Variants in GLS2 observed in about 807,000 individuals in gnomAD.
GLS2 encodes glutaminase liver isoform, mitochondrial.
In GLS2, 52 loss-of-function variants were observed where a neutral mutation model predicts 79.0. The observed-to-expected ratio is 0.66, with a 90% CI of 0.53 to 0.83. The LOEUF is 0.83. GLS2 is among the 40% of genes least tolerant of loss of function. The pLI, the probability that GLS2 is intolerant of heterozygous loss-of-function variation, is 0.00. For synonymous variants in GLS2, 238 were observed against 280.8 expected, an observed-to-expected ratio of 0.85 and a Z score of 1.52; for missense variants, 561 against 764.8, an observed-to-expected ratio of 0.73 and a Z score of 3.14.
rs1480445456 is a variant in GLS2 at position 56,488,063 on chromosome 12, C to T, written c.56G>A (p.Gly19Glu). The T allele has an allele frequency of 2.5e-6, 4 of 1,582,134 alleles. No individual in the cohort carries two copies. The highest frequency in any genetic ancestry group is 1.1e-5 in the South Asian group (1 of 88,768). The change falls in exon 1 of 18, where the codon GGG (glycine) becomes GAG (glutamate). Residue 19 changes from glycine to glutamate, a missense_variant. Gly to Glu is a moderately conservative substitution (Grantham distance 98, BLOSUM62 -2). Transcript: ENST00000311966. Reference protein sequence around the residue: ...KALSRAGSHCGRGGWGHPSRS... With the variant: ...KALSRAGSHCERGGWGHPSRS... ...GCTCGGGTGACCCCAGCCTCCTCGC[C>T]CGCAGTGACTGCCAGCCCGGCTCAG...
rs373727985 is a variant in GLS2 at position 56,471,156 on chromosome 12, C to G, written c.*331G>C. ...CTAGAGTCCCTCCACCAGAGTATCT[C>G]TCTCATGATGGTTTCTTCAGGGAGA... is the stretch of plus-strand genomic sequence containing the variant. On this transcript the variant is annotated 3_prime_UTR_variant, in exon 18 of 18. Transcript: ENST00000311966. 2 of 423,898 alleles carry G rather than the reference C, an allele frequency of 4.7e-6. No individual in the cohort carries two copies. Among genetic ancestry groups the G allele is most frequent in the African/African-American group, 2.0e-5 (1 of 49,378 alleles). The allele number at this position is 423,898 out of a possible 1,614,324, so 26.3% of individuals were successfully genotyped here. A position where few individuals can be genotyped will look rare whatever the true frequency, so the allele number is the denominator to read the frequency against.
chr12:56,478,447 G>C, intron 4 of GLS2, 185 bp from the exon 5 acceptor site: 1 of 609,054 alleles, frequency 1.6e-6, no homozygotes, highest in South Asian at 2.0e-5. Context: ...CCATATCTTT[G>C]TGTATCCGCA....
chr12:56,472,524 CTT>C, intron 15 of GLS2, 164 bp downstream of exon 15: 1 of 648,740 alleles, frequency 1.5e-6, no homozygotes, highest in Non-Finnish European at 2.7e-6. Context: ...AGACAGTTTA[CTT>C]TTTTTAAAAA....
chr12:56,482,508 A>G (rs1270344853), intron 1 of GLS2, among the ~76,000 whole-genome samples: 1 of 152,158 alleles, frequency 6.6e-6, no homozygotes, highest in Non-Finnish European at 1.5e-5. Context: ...GTTTGACACA[A>G]CACACCATCT....
Position 56,473,308 on chromosome 12 carries a change from G to C in GLS2, c.1369C>G (p.Leu457Val), listed in dbSNP as rs767181824. ...TTGTCATAGTTGTGGAAATTGAAGA[G>C]AGACACCAACTTCTAGAATTGTAAG... Reference protein sequence around the residue: ...GTSFCQKLVSLFNFHNYDNLR... With the variant: ...GTSFCQKLVSVFNFHNYDNLR... Residue 457 changes from leucine (L) to valine (V), a missense_variant, in exon 14 of 18, where the codon CTC (leucine) becomes GTC (valine). Around this residue, in one of 4 missense-constraint regions of GLS2, gnomAD observed 136 missense variants for 228.6 expected, o/e 0.59. Transcript: ENST00000311966. 6.2e-7 allele frequency: 1 copy of C among 1,614,132 alleles called. No individual in the cohort carries two copies. The highest frequency in any genetic ancestry group is 8.5e-7 in the Non-Finnish European group (1 of 1,180,034).
chr12:56,476,237 A>G (rs1245876869), intron 7 of GLS2: 17 of 443,428 alleles, frequency 3.8e-5, no homozygotes, highest in Non-Finnish European at 2.9e-5. Context: ...ATCATGGCTC[A>G]CTGCAGCTTT....
intron 1 of GLS2, among the ~76,000 whole-genome samples, chr12:56,484,607 A>G (rs1394520260): frequency 6.6e-6 from 1 of 152,162 alleles, no homozygotes; most frequent in African/African-American, 2.4e-5. Context: ...GGGATAACTC[A>G]AGAAGGAAAG....
intron 3 of GLS2, 80 bp downstream of exon 3, chr12:56,479,700 C>A: frequency 6.8e-7 from 1 of 1,460,510 alleles, no homozygotes; most frequent in Non-Finnish European, 9.1e-7. Flanking sequence ...TATACAATTC[C>A]CAAATTCCTC....
In GLS2 at chr12:56,473,610, G is replaced by C. The variant is rs753258029; in HGVS notation, c.1225-16C>G. 3.3e-5 allele frequency: 53 copies of C among 1,601,316 alleles called. No homozygotes were observed. Among genetic ancestry groups the C allele is most frequent in the Non-Finnish European group, 4.3e-5 (51 of 1,173,674 alleles). ...GCAGGCCCACCTGGGGAACAGAACTGAAGCTGAGGATAAAGTGGGTGTGCC... is the reference window on the plus strand; with the variant it reads ...GCAGGCCCACCTGGGGAACAGAACTCAAGCTGAGGATAAAGTGGGTGTGCC... On this transcript the variant is annotated splice_polypyrimidine_tract_variant and intron_variant, in intron 12 of 17. Transcript: ENST00000311966.
chr12:56,472,097 C>T, intron 16 of GLS2, 22 bp downstream of exon 16: 1 of 1,611,724 alleles, frequency 6.2e-7, no homozygotes, highest in Non-Finnish European at 8.5e-7. Flanking sequence ...CCCTCCTCCT[C>T]CCCTCCTTAA....
chr12:56,482,302 A>G (rs1870361492), intron 1 of GLS2, among the ~76,000 whole-genome samples: 1 of 152,176 alleles, frequency 6.6e-6, no homozygotes. Flanking sequence ...CCCACACTCC[A>G]GATATAACAG....
intron 3 of GLS2, 126 bp downstream of exon 3, chr12:56,479,654 A>G: frequency 8.8e-7 from 1 of 1,138,992 alleles, no homozygotes; most frequent in Non-Finnish European, 1.2e-6. Context: ...TGTATAACTT[A>G]TGTAATAAGT....
chr12:56,483,864 C>CT (rs1870489476), intron 1 of GLS2, among the ~76,000 whole-genome samples: 1 of 151,472 alleles, frequency 6.6e-6, no homozygotes, highest in East Asian at 1.9e-4. Context: ...TTTGTTTTTT[C>CT]TTTTTTTTCT....
Position 56,473,280 on chromosome 12 carries a change from A to G in GLS2, c.1397T>C (p.Leu466Pro), listed in dbSNP as rs775509140. 1.2e-6 allele frequency: 2 copies of G among 1,614,170 alleles called. No individual in the cohort carries two copies. The highest frequency in any genetic ancestry group is 1.7e-6 in the Non-Finnish European group (2 of 1,180,040). The change falls in exon 14 of 18, where the codon CTG becomes CCG. Residue 466 changes from leucine (L) to proline (P), a missense_variant. Physicochemically the swap from Leu to Pro is moderately conservative, Grantham distance 98. Transcript: ENST00000311966. ...SLFNFHNYDN[L>P]RHCARKLDPR... ...GTCTAACTTCCGAGCACAGTGCCTC[A>G]GGTTGTCATAGTTGTGGAAATTGAA...
chr12:56,477,697 A>G lies in GLS2; in HGVS notation c.800T>C (p.Val267Ala). 6.2e-7 allele frequency: 1 copy of G among 1,613,672 alleles called. No individual in the cohort carries two copies. The highest frequency in any genetic ancestry group is 8.5e-7 in the Non-Finnish European group (1 of 1,179,838). Residue 267 changes from valine to alanine, a missense_variant, in exon 7 of 18, where the codon GTC (valine) becomes GCC (alanine). By Grantham distance (64) the Val-to-Ala change is moderately conservative. This residue lies in a region of GLS2 where 221 missense variants were observed against 275.6 expected (regional missense o/e 0.80). Transcript: ENST00000311966. ...NEEGIPHNPM[V>A]NAGAIVVSSL... ...GCTGACAACAATGGCACCAGCATTGACCATGGGGTTATGGGGGATTCCTGG... is the reference window on the plus strand; with the variant it reads ...GCTGACAACAATGGCACCAGCATTGGCCATGGGGTTATGGGGGATTCCTGG...
rs751577032 is a variant in GLS2, at chr12:56,479,228, G to C, written c.405-47C>G. On this transcript the variant is annotated intron_variant, in intron 3 of 17. Transcript: ENST00000311966. ...ATTAGGGGGCTAGAGAAATGCAGCTGGGACTCACTCTGGAGCCACGGAAAT... is the reference window on the plus strand; with the variant it reads ...ATTAGGGGGCTAGAGAAATGCAGCTCGGACTCACTCTGGAGCCACGGAAAT... The C allele has an allele frequency of 2.5e-6, 4 of 1,603,650 alleles. No individual in the cohort carries two copies. In the South Asian group the frequency reaches 4.4e-5, roughly 18 times the overall value.
intron 14 of GLS2, 49 bp downstream of exon 14, chr12:56,473,179 G>T: frequency 1.3e-6 from 2 of 1,558,634 alleles, no homozygotes; most frequent in Non-Finnish European, 1.8e-6. Flanking sequence ...GTGAGCCACC[G>T]CACCTGGCCT....
rs190064727 is a variant in GLS2, at chr12:56,471,059, C to G, written c.*428G>C. 390 of 294,884 alleles carry G rather than the reference C, an allele frequency of 1.3e-3. 2 individuals are homozygous for G. The highest frequency in any genetic ancestry group is 6.4e-3 in the Middle Eastern group (7 of 1,100). The allele number at this position is 294,884 out of a possible 1,614,324, so 18.3% of individuals were successfully genotyped here. On this transcript the variant is annotated 3_prime_UTR_variant, in exon 18 of 18. Transcript: ENST00000311966. ...CCTGGCCAAGGGGAGTAGATTTCTC[C>G]AGACTACTAAAGCCATGTATATAGC...
At chr12:56,486,615 C>T (rs1353968115) in intron 1 of GLS2, among the ~76,000 whole-genome samples, 1 of 152,066 alleles carries the variant, frequency 6.6e-6, no homozygotes, top group African/African-American at 2.4e-5. Flanking sequence ...CTGAGGCAGG[C>T]GGATCACCTG....
Sources: allele counts gnomAD v4.1 joint callset (sites outside exome capture counted in the v4.1 genomes callset), GRCh38; gene constraint gnomAD v4.1.1; regional missense constraint gnomAD v4.1.1; transcripts MANE v1.5; gene names NCBI Gene and HGNC (gene_info 2026-07-23, HGNC 2026-07-21).